KCNH8: variants seen among roughly 807,000 people sequenced by gnomAD.
The protein encoded by KCNH8 is voltage-gated delayed rectifier potassium channel KCNH8.
KCNH8 carries 70 observed loss-of-function variants against 103.6 expected under a neutral mutation model. That is an observed-to-expected ratio of 0.68 (90% CI 0.56 to 0.82). KCNH8 has a LOEUF of 0.82. Ranked by LOEUF, KCNH8 falls within the 40% of genes least tolerant of loss-of-function variation. The pLI is 0.00. For missense variants in KCNH8, 1,217 were observed against 1,329.9 expected (o/e 0.92, Z 1.32); for synonymous variants, 498 against 489.4 (o/e 1.02, Z -0.23).
chr3:19,234,655 C>T (rs1221578173), intron 1 of KCNH8, among the ~76,000 whole-genome samples: 2 of 144,770 alleles, frequency 1.4e-5, no homozygotes, highest in African/African-American at 2.6e-5. Context: ...CTGAGGGAGC[C>T]GGCTCCCGGC....
In KCNH8 at chr3:19,258,475, C is replaced by T. The variant is rs114661778; in HGVS notation, c.310+4588C>T. ...AATATACTGTAATGTGTGGAATGAT[C>T]TTGCAATTGAAGAATTGTCCAGTTT... On this transcript the variant is annotated intron_variant, in intron 2 of 15. Transcript: ENST00000328405. Among the ~76,000 whole-genome samples, 1,058 of 152,044 alleles carry T rather than the reference C, an allele frequency of 7.0e-3. 9 individuals are homozygous for T. Among genetic ancestry groups the T allele is most frequent in the African/African-American group, 0.021 (891 of 41,510 alleles).
At chr3:19,154,942 C>A (rs2125181188) in intron 1 of KCNH8, among the ~76,000 whole-genome samples, 1 of 152,308 alleles carries the variant, frequency 6.6e-6, no homozygotes, top group East Asian at 1.9e-4. Flanking sequence ...ATACAAACAT[C>A]AAAGATGAGA....
At chr3:19,167,768 T>G (rs956104945) in intron 1 of KCNH8, among the ~76,000 whole-genome samples, 1 of 152,166 alleles carries the variant, frequency 6.6e-6, no homozygotes, top group African/African-American at 2.4e-5. Flanking sequence ...TCTTCCAGGG[T>G]ATTCAACTAT....
intron 11 of KCNH8, among the ~76,000 whole-genome samples, chr3:19,466,061 T>G (rs999774413): frequency 2.0e-4 from 30 of 151,970 alleles, no homozygotes; most frequent in Admixed American, 2.0e-4. Context: ...CAGCCTCCCA[T>G]GCACGGGCAT....
At chr3:19,426,378 A>G (rs1055130675) in intron 7 of KCNH8, among the ~76,000 whole-genome samples, 1 of 151,800 alleles carries the variant, frequency 6.6e-6, no homozygotes, top group Non-Finnish European at 1.5e-5. Flanking sequence ...TAATGAAGAC[A>G]TTTTTCCAAA....
chr3:19,451,278 A>T lies in KCNH8; in HGVS notation c.1699A>T (p.Ile567Phe). The T allele has an allele frequency of 1.2e-6, 2 of 1,613,918 alleles. No individual in the cohort carries two copies. The highest frequency in any genetic ancestry group is 1.7e-6 in the Non-Finnish European group (2 of 1,179,906). Residue 567 changes from isoleucine to phenylalanine, a missense_variant, in exon 10 of 16, where the codon ATC becomes TTC. By Grantham distance (21) the Ile-to-Phe change is conservative. Transcript: ENST00000328405. Reference sequence around the variant, plus strand: ...CTGCCTCAGGTCTCTGTCTCTACACATCAAAACCTCTTTCTGTGCTCCGGG... The same window carrying T: ...CTGCCTCAGGTCTCTGTCTCTACACTTCAAAACCTCTTTCTGTGCTCCGGG... ...RGCLRSLSLH[I>F]KTSFCAPGEY...
intron 8 of KCNH8, among the ~76,000 whole-genome samples, chr3:19,443,263 G>A (rs1056752949): frequency 1.3e-5 from 2 of 151,386 alleles, no homozygotes; most frequent in African/African-American, 2.4e-5. Context: ...CAAGGACAGA[G>A]ATAATATTGC....
intron 1 of KCNH8, among the ~76,000 whole-genome samples, chr3:19,184,481 A>G (rs562470858): frequency 6.6e-6 from 1 of 152,156 alleles, no homozygotes; most frequent in South Asian, 2.1e-4. Context: ...TAATTTTTCT[A>G]ATTTAAAATA....
chr3:19,332,536 A>C (rs2065524790), intron 3 of KCNH8, among the ~76,000 whole-genome samples: 2 of 152,208 alleles, frequency 1.3e-5, no homozygotes, highest in African/African-American at 2.4e-5. Flanking sequence ...ATAATTGCCC[A>C]ACAATGCAAT....
chr3:19,376,159 T>G (rs2125120833), intron 5 of KCNH8, among the ~76,000 whole-genome samples: 1 of 152,310 alleles, frequency 6.6e-6, no homozygotes, highest in East Asian at 1.9e-4. Context: ...TTTGTTTACC[T>G]AAGCAAGCCT....
At chr3:19,289,457 T>C (rs1315847538) in intron 3 of KCNH8, among the ~76,000 whole-genome samples, 2 of 152,224 alleles carry the variant, frequency 1.3e-5, no homozygotes, top group Non-Finnish European at 2.9e-5. Context: ...TAGCCAGTTT[T>C]CCCAGCACCA....
chr3:19,356,432 TC>T (rs2065882799), intron 5 of KCNH8, among the ~76,000 whole-genome samples: 1 of 151,984 alleles, frequency 6.6e-6, no homozygotes, highest in Non-Finnish European at 1.5e-5. Context: ...ATTATGCTAG[TC>T]AAAACTTAAA....
At chr3:19,258,945 C>CTA (rs1165506732) in intron 2 of KCNH8, among the ~76,000 whole-genome samples, 197 of 42,232 alleles carry the variant, frequency 4.7e-3, no homozygotes, top group Non-Finnish European at 5.9e-3. Context: ...CTCTCTCTCT[C>CTA]TCTATATATA....
At chr3:19,518,121 T>C (rs2068907109) in intron 15 of KCNH8, 47 bp downstream of exon 15, 1 of 1,430,378 alleles carries the variant, frequency 7.0e-7, no homozygotes, top group Non-Finnish European at 9.8e-7. Context: ...AGAGGAGATA[T>C]AAATCCTAGT....
chr3:19,251,336 C>T (rs2064275132), intron 1 of KCNH8, among the ~76,000 whole-genome samples: 1 of 151,800 alleles, frequency 6.6e-6, no homozygotes, highest in Admixed American at 6.6e-5. Flanking sequence ...ACTCCTGTGG[C>T]CTCAAAACAA....
chr3:19,289,858 T>C (rs1353463787), intron 3 of KCNH8, among the ~76,000 whole-genome samples: 2 of 152,220 alleles, frequency 1.3e-5, no homozygotes, highest in Non-Finnish European at 1.5e-5. Context: ...TTTCACGATA[T>C]TGATTCTTCC....
intron 1 of KCNH8, among the ~76,000 whole-genome samples, chr3:19,170,500 A>G (rs952106464): frequency 6.6e-6 from 1 of 150,988 alleles, no homozygotes; most frequent in Non-Finnish European, 1.5e-5. Context: ...GAAACTGATC[A>G]TGACTCCTCC....
rs892388484 is a variant in KCNH8 at position 19,187,437 on chromosome 3, G to A, written c.76+38642G>A. Reference sequence around the variant, plus strand: ...TGCTAAAACAGTTGGAAAAACCAAGGTTGTCTAAGTACAGATGACCATACC... The same window carrying A: ...TGCTAAAACAGTTGGAAAAACCAAGATTGTCTAAGTACAGATGACCATACC... On this transcript the variant is annotated intron_variant, in intron 1 of 15. Transcript: ENST00000328405. 6.5e-4 allele frequency among the ~76,000 whole-genome samples: 99 copies of A among 152,020 alleles called. 1 individual carries two copies. The highest frequency in any genetic ancestry group is 2.1e-3 in the African/African-American group (86 of 41,420).
At chr3:19,520,600 C>T (rs577638054) in intron 15 of KCNH8, among the ~76,000 whole-genome samples, 2 of 152,022 alleles carry the variant, frequency 1.3e-5, no homozygotes, top group African/African-American at 4.8e-5. Flanking sequence ...TACCATTTTG[C>T]CTATTTTCTA....
Sources: allele counts gnomAD v4.1 joint callset (sites outside exome capture counted in the v4.1 genomes callset), GRCh38; gene constraint gnomAD v4.1.1; transcripts MANE v1.5; gene names NCBI Gene and HGNC (gene_info 2026-07-23, HGNC 2026-07-21).